TENM2: variants seen among roughly 807,000 people sequenced by gnomAD.
The protein encoded by TENM2 is teneurin transmembrane protein 2.
In TENM2, 52 loss-of-function variants were observed where a neutral mutation model predicts 245.2. The observed-to-expected ratio is 0.21, with a 90% CI of 0.17 to 0.27. The LOEUF is 0.27. TENM2 is among the 10% of genes least tolerant of loss of function. The pLI is 1.00. For synonymous variants in TENM2, 1,363 were observed against 1,438.9 expected (o/e 0.95, Z 1.19); for missense variants, 3,046 against 3,666.8 (o/e 0.83, Z 4.37).
intron 2 of TENM2, among the ~76,000 whole-genome samples, chr5:167,814,144 T>C (rs1284468547): frequency 6.6e-6 from 1 of 152,174 alleles, no homozygotes; most frequent in Non-Finnish European, 1.5e-5. Flanking sequence ...GGCCAATTGC[T>C]AATGCAGCTA....
chr5:167,909,160 T>C (rs995247059), intron 3 of TENM2, among the ~76,000 whole-genome samples: 1 of 151,504 alleles, frequency 6.6e-6, no homozygotes, highest in Non-Finnish European at 1.5e-5. Flanking sequence ...GGAAACAAAC[T>C]AGAAACTTAC....
At chr5:167,652,665 A>C (rs1475565948) in intron 2 of TENM2, among the ~76,000 whole-genome samples, 1 of 152,060 alleles carries the variant, frequency 6.6e-6, no homozygotes, top group African/African-American at 2.4e-5. Context: ...GTCTCATTCC[A>C]TTTGACTCCT....
the TENM2 span, among the ~76,000 whole-genome samples, chr5:167,190,685 A>G: frequency 2.6e-5 from 4 of 152,090 alleles, no homozygotes; most frequent in Non-Finnish European, 4.4e-5. Flanking sequence ...GTCTAAAACT[A>G]CAAGTATTTT....
At chr5:167,595,845 C>T (rs1289370510) in intron 2 of TENM2, among the ~76,000 whole-genome samples, 2 of 152,112 alleles carry the variant, frequency 1.3e-5, no homozygotes, top group Non-Finnish European at 2.9e-5. Context: ...AAGCTTTATC[C>T]ACCGTGTTTC....
At chr5:167,168,087 G>T in the TENM2 span, 1 of 152,176 alleles carries the variant, frequency 6.6e-6, no homozygotes, top group Non-Finnish European at 1.5e-5. Flanking sequence ...TTCAGTGTAA[G>T]CATAAACATG....
chr5:168,003,510 AC>A (rs541834678), intron 5 of TENM2, among the ~76,000 whole-genome samples: 38 of 152,320 alleles, frequency 2.5e-4, no homozygotes, highest in Admixed American at 5.9e-4. Context: ...GAAATGCCAT[AC>A]ATCAATTGGG....
chr5:167,788,385 C>A (rs533619047), intron 2 of TENM2, among the ~76,000 whole-genome samples: 1 of 152,150 alleles, frequency 6.6e-6, no homozygotes, highest in Non-Finnish European at 1.5e-5. Context: ...ACATGGGATG[C>A]ATAGATTAAT....
At chr5:168,120,203 G>T (rs1795372176) in intron 10 of TENM2, among the ~76,000 whole-genome samples, 1 of 151,948 alleles carries the variant, frequency 6.6e-6, no homozygotes, top group African/African-American at 2.4e-5. Flanking sequence ...GGGACCAGAA[G>T]TCTGACCCCC....
At chr5:167,797,505 T>G (rs1186961260) in intron 2 of TENM2, among the ~76,000 whole-genome samples, 2 of 152,238 alleles carry the variant, frequency 1.3e-5, no homozygotes, top group Non-Finnish European at 2.9e-5. Flanking sequence ...CTCATTTTCC[T>G]ATGGTAGCAC....
chr5:167,909,574 GT>G (rs1336064973), intron 3 of TENM2, among the ~76,000 whole-genome samples: 1 of 152,144 alleles, frequency 6.6e-6, no homozygotes, highest in Non-Finnish European at 1.5e-5. Context: ...AGGTTAAGAG[GT>G]TTTTTACAGC....
intron 2 of TENM2, 36 bp from the exon 5 acceptor site, chr5:167,875,950 A>G (rs1021434893): frequency 2.1e-6 from 3 of 1,462,804 alleles, no homozygotes; most frequent in Admixed American, 2.0e-5. Flanking sequence ...CGTGACACTC[A>G]TTGCTGACCT....
rs1783047185 is a variant in TENM2 at position 167,984,045 on chromosome 5, C to T, written c.948-8899C>T. On this transcript the variant is annotated intron_variant, in intron 4 of 28. Coordinates refer to ENST00000518659, the Ensembl canonical transcript of TENM2. Reference sequence around the variant, plus strand: ...TAAGCATTTCACGAATAAACTCACCCAATCCCCCTAACAAGCCCAAGAAGT... The same window carrying T: ...TAAGCATTTCACGAATAAACTCACCTAATCCCCCTAACAAGCCCAAGAAGT... 3.3e-5 allele frequency among the ~76,000 whole-genome samples: 5 copies of T among 152,134 alleles called. No homozygotes were observed. In the South Asian group the frequency reaches 1.0e-3, roughly 31 times the overall value.
intron 2 of TENM2, among the ~76,000 whole-genome samples, chr5:167,418,964 A>G (rs762438144): frequency 1.4e-4 from 22 of 152,192 alleles, no homozygotes; most frequent in Non-Finnish European, 3.1e-4. Flanking sequence ...AAACATTATC[A>G]TCTAATAAAA....
chr5:167,228,426 G>T, the TENM2 span, among the ~76,000 whole-genome samples: 1 of 151,074 alleles, frequency 6.6e-6, no homozygotes, highest in Non-Finnish European at 1.5e-5. Context: ...GAATATTTTT[G>T]TTCTTTTTTG....
the TENM2 span, among the ~76,000 whole-genome samples, chr5:167,144,416 G>A: frequency 6.6e-6 from 1 of 152,164 alleles, no homozygotes; most frequent in Non-Finnish European, 1.5e-5. Context: ...CTTTGTTCTG[G>A]CCCCCGTTTG....
intron 2 of TENM2, among the ~76,000 whole-genome samples, chr5:167,852,362 G>A (rs143802906): frequency 1.7e-3 from 257 of 152,210 alleles, no homozygotes; most frequent in African/African-American, 5.8e-3. Context: ...TTTTCTAATC[G>A]TTTTCAGTGG....
chr5:167,979,593 T>C (rs772430093), intron 4 of TENM2, among the ~76,000 whole-genome samples: 16 of 152,194 alleles, frequency 1.1e-4, no homozygotes, highest in Non-Finnish European at 1.8e-4. Context: ...AGCATCCCTA[T>C]AGAAACTCTT....
At chr5:167,958,692 C>T (rs949023501) in intron 4 of TENM2, among the ~76,000 whole-genome samples, 1 of 152,184 alleles carries the variant, frequency 6.6e-6, no homozygotes, top group African/African-American at 2.4e-5. Context: ...AAAAATCTCT[C>T]AGCATTTGCT....
chr5:167,389,738 G>T (rs1358395995), intron 2 of TENM2, among the ~76,000 whole-genome samples: 1 of 152,102 alleles, frequency 6.6e-6, no homozygotes, highest in East Asian at 1.9e-4. Flanking sequence ...GTCCTCAGAG[G>T]AACTCTTGCA....
Sources: gnomAD v4.1 joint callset for allele counts (sites outside exome capture counted in the v4.1 genomes callset) on GRCh38, gnomAD v4.1.1 for gene constraint, MANE v1.5 for transcripts, NCBI Gene and HGNC (gene_info 2026-07-23, HGNC 2026-07-21) for gene names.